Variants in PWWP2B observed in about 807,000 individuals in gnomAD.
PWWP2B encodes the protein PWWP domain-containing protein 2B.
A neutral mutation model predicts 15.5 loss-of-function variants in PWWP2B; 9 were observed. The observed-to-expected ratio is 0.58, with a 90% CI of 0.35 to 1.02. PWWP2B has a LOEUF of 1.02. Among genes scored for constraint, PWWP2B ranks in the 50% least tolerant of loss-of-function variants. The pLI is 0.02. For synonymous variants in PWWP2B, 474 were observed against 403.6 expected (o/e 1.17, Z -2.09); for missense variants, 864 against 865.3 (o/e 1.00, Z 0.02).
chr10:132,413,198 CATG>C (rs1393890843), intron 2 of PWWP2B, among the ~76,000 whole-genome samples: 1 of 152,232 alleles, frequency 6.6e-6, no homozygotes, highest in Non-Finnish European at 1.5e-5. Context: ...TTAATGTTAA[CATG>C]ATCAATTTTA....
chr10:132,405,211 C>T lies in PWWP2B; in HGVS notation c.711C>T (p.Arg237=), dbSNP rs368192876. The part of the protein sequence containing the change: ...ATARRSKRER[R]EEDRAPAEQV... Reference sequence around the variant, plus strand: ...CCAGGAGGAGCAAGAGGGAGAGGCGCGAGGAGGACAGGGCCCCGGCAGAGC... The same window carrying T: ...CCAGGAGGAGCAAGAGGGAGAGGCGTGAGGAGGACAGGGCCCCGGCAGAGC... The change falls in exon 2 of 3, where the codon CGC becomes CGT. Residue 237 remains arginine, a synonymous_variant. Transcript: ENST00000305233. The T allele has an allele frequency of 1.1e-4, 171 of 1,589,880 alleles. No individual in the cohort carries two copies. The highest frequency in any genetic ancestry group is 1.3e-4 in the Non-Finnish European group (149 of 1,169,554).
At chr10:132,416,980 C>G in intron 2 of PWWP2B, 81 bp from the exon 3 acceptor site, 1 of 1,523,060 alleles carries the variant, frequency 6.6e-7, no homozygotes, top group Non-Finnish European at 9.1e-7. Context: ...GGCACCCTGA[C>G]CTGCTGCTCA....
chr10:132,401,975 G>A (rs537709884), intron 1 of PWWP2B, among the ~76,000 whole-genome samples: 1 of 152,252 alleles, frequency 6.6e-6, no homozygotes, highest in Non-Finnish European at 1.5e-5. Flanking sequence ...GCGCTGGGGT[G>A]CGGCCTGGGC....
intron 1 of PWWP2B, among the ~76,000 whole-genome samples, chr10:132,401,757 C>A (rs911825795): frequency 6.6e-6 from 1 of 152,262 alleles, no homozygotes; most frequent in Non-Finnish European, 1.5e-5. Flanking sequence ...TGGTCTCGCT[C>A]GGCCTCACTG....
At chr10:132,406,380 AG>A (rs2069698806) in intron 2 of PWWP2B, 91 bp downstream of exon 2, 1 of 1,139,550 alleles carries the variant, frequency 8.8e-7, no homozygotes, top group Admixed American at 2.8e-5. Flanking sequence ...CCTGAGGCCC[AG>A]GGAGCCGCCG....
intron 2 of PWWP2B, among the ~76,000 whole-genome samples, chr10:132,410,595 C>T (rs2069765711): frequency 6.6e-6 from 1 of 152,196 alleles, no homozygotes; most frequent in African/African-American, 2.4e-5. Flanking sequence ...GGGCGGCGGG[C>T]TGCCTGGTGT....
intron 2 of PWWP2B, among the ~76,000 whole-genome samples, chr10:132,412,562 C>T (rs902177020): frequency 3.9e-5 from 6 of 152,204 alleles, no homozygotes; most frequent in South Asian, 2.1e-4. Flanking sequence ...TGGCCTAATC[C>T]GTTCCCGATC....
chr10:132,409,077 C>A (rs915605694), intron 2 of PWWP2B, among the ~76,000 whole-genome samples: 3 of 152,254 alleles, frequency 2.0e-5, no homozygotes, highest in Non-Finnish European at 4.4e-5. Context: ...CCTGCTGTTG[C>A]GGTCTCAGGG....
intron 2 of PWWP2B, 44 bp downstream of exon 2, chr10:132,406,333 C>A (rs2069698311): frequency 6.7e-7 from 1 of 1,492,908 alleles, no homozygotes; most frequent in Admixed American, 1.9e-5. Context: ...GCGGCCCAAG[C>A]TCACACCTGT....
chr10:132,405,850 C>A lies in PWWP2B; in HGVS notation c.1350C>A (p.His450Gln), dbSNP rs199941379. The change falls in exon 2 of 3, where the codon CAC (histidine) becomes CAA (glutamine). Residue 450 changes from histidine (H) to glutamine (Q), a missense_variant. This residue lies in a region of PWWP2B where 736 missense variants were observed against 687.7 expected (regional missense o/e 1.07). Coordinates refer to ENST00000305233, the MANE Select transcript of PWWP2B (RefSeq NM_138499.4). ...PADTGDLSPGHGASAPSVSRE... is the reference protein window; with the variant it reads ...PADTGDLSPGQGASAPSVSRE... Reference sequence around the variant, plus strand: ...ACACGGGTGACCTCTCGCCTGGCCACGGCGCGTCAGCGCCCTCGGTGTCCA... The same window carrying A: ...ACACGGGTGACCTCTCGCCTGGCCAAGGCGCGTCAGCGCCCTCGGTGTCCA... 2.0e-4 allele frequency: 326 copies of A among 1,610,796 alleles called. No homozygotes were observed. Among genetic ancestry groups the A allele is most frequent in the Admixed American group, 7.2e-4 (43 of 59,954 alleles).
At chr10:132,402,307 C>T (rs1409091160) in intron 1 of PWWP2B, among the ~76,000 whole-genome samples, 1 of 152,250 alleles carries the variant, frequency 6.6e-6, no homozygotes, top group Admixed American at 6.5e-5. Flanking sequence ...GTGGGGTTGC[C>T]CCCTCCCTCT....
intron 2 of PWWP2B, among the ~76,000 whole-genome samples, chr10:132,412,302 C>T (rs987760084): frequency 9.2e-5 from 14 of 152,320 alleles, no homozygotes; most frequent in Non-Finnish European, 1.9e-4. Flanking sequence ...GGACCTGTTG[C>T]CAGACCTCCT....
At chr10:132,412,693 T>C (rs988088922) in intron 2 of PWWP2B, among the ~76,000 whole-genome samples, 7 of 152,354 alleles carry the variant, frequency 4.6e-5, no homozygotes, top group Admixed American at 3.9e-4. Flanking sequence ...CTGGAATTCT[T>C]GCAGAAAAGC....
chr10:132,404,032 C>T (rs12769227), intron 1 of PWWP2B, among the ~76,000 whole-genome samples: 9,766 of 58,074 alleles, frequency 0.17, 562 homozygotes, highest in African/African-American at 0.4. Flanking sequence ...ACGGCATTCT[C>T]CAGGGCTCCT....
Position 132,405,250 on chromosome 10 carries a change from C to G in PWWP2B, c.750C>G (p.Ser250Arg). 1 of 1,609,922 alleles carries G rather than the reference C, an allele frequency of 6.2e-7. No individual in the cohort carries two copies. The highest frequency in any genetic ancestry group is 8.5e-7 in the Non-Finnish European group (1 of 1,178,928). ...DRAPAEQVPR[S>R]PVIKISYSTP... The stretch of plus-strand genomic sequence containing the variant: ...CCCCGGCAGAGCAGGTCCCGCGGAG[C>G]CCGGTCATCAAGATCTCCTACAGCA... Residue 250 changes from serine to arginine, a missense_variant, in exon 2 of 3, where the codon AGC (serine) becomes AGG (arginine). Coordinates refer to ENST00000305233, the MANE Select transcript of PWWP2B (RefSeq NM_138499.4).
At chr10:132,401,285 T>G (rs2069612125) in intron 1 of PWWP2B, among the ~76,000 whole-genome samples, 1 of 152,248 alleles carries the variant, frequency 6.6e-6, no homozygotes, top group Non-Finnish European at 1.5e-5. Flanking sequence ...CTGCCTCAGT[T>G]TCCCTAGCCC....
At position 132,404,616 on chromosome 10, in the gene PWWP2B, C is replaced by A; in HGVS notation, c.126-10C>A. 6.2e-7 allele frequency: 1 copy of A among 1,610,744 alleles called. No homozygotes were observed. The highest frequency in any genetic ancestry group is 8.5e-7 in the Non-Finnish European group (1 of 1,178,046). On this transcript the variant is annotated splice_polypyrimidine_tract_variant and intron_variant, in intron 1 of 2. Coordinates refer to ENST00000305233, the MANE Select transcript of PWWP2B (RefSeq NM_138499.4). Reference sequence around the variant, plus strand: ...CCTTCTCACTGTGGTTTCTCTCTCTCCATTGCCAGGTCCGGCCTCTTTGGC... The same window carrying A: ...CCTTCTCACTGTGGTTTCTCTCTCTACATTGCCAGGTCCGGCCTCTTTGGC...
chr10:132,400,326 G>A (rs1242711705), intron 1 of PWWP2B, among the ~76,000 whole-genome samples: 2 of 152,272 alleles, frequency 1.3e-5, no homozygotes, highest in East Asian at 1.9e-4. Context: ...TAAGGAGGGT[G>A]TGGGGTGGGG....
At chr10:132,409,335 G>T (rs138401307) in intron 2 of PWWP2B, among the ~76,000 whole-genome samples, 77 of 152,348 alleles carry the variant, frequency 5.1e-4, no homozygotes, top group African/African-American at 1.8e-3. Context: ...GGGGCAGGTG[G>T]TGGAGACCAG....
Sources: allele counts gnomAD v4.1 joint callset (sites outside exome capture counted in the v4.1 genomes callset), GRCh38; gene constraint gnomAD v4.1.1; regional missense constraint gnomAD v4.1.1; transcripts MANE v1.5; gene names NCBI Gene and HGNC (gene_info 2026-07-23, HGNC 2026-07-21).